Variants in SCARB2 observed in about 807,000 individuals in gnomAD.
SCARB2 encodes the protein lysosome membrane protein 2.
SCARB2 carries 29 observed loss-of-function variants against 58.6 expected under a neutral mutation model. The observed-to-expected ratio is 0.49, with a 90% CI of 0.37 to 0.67. The LOEUF is 0.67. Ranked by LOEUF, SCARB2 falls within the 30% of genes least tolerant of loss-of-function variation. The pLI is 0.00. For missense variants in SCARB2, 488 were observed against 578.5 expected (o/e 0.84, Z 1.60); for synonymous variants, 195 against 210.1 (o/e 0.93, Z 0.62).
intron 1 of SCARB2, among the ~76,000 whole-genome samples, chr4:76,207,215 G>A (rs955162935): frequency 6.6e-6 from 1 of 152,020 alleles, no homozygotes; most frequent in Non-Finnish European, 1.5e-5. Flanking sequence ...CAGAGGTTAC[G>A]TGATATATAA....
chr4:76,214,995 G>A (rs2109976045), upstream of SCARB2, among the ~76,000 whole-genome samples: 1 of 152,360 alleles, frequency 6.6e-6, no homozygotes, highest in Non-Finnish European at 1.5e-5. Flanking sequence ...AGGCCATTGG[G>A]GTGGGGAATC....
At chr4:76,205,804 T>C (rs1315842215) in intron 1 of SCARB2, among the ~76,000 whole-genome samples, 3 of 152,208 alleles carry the variant, frequency 2.0e-5, no homozygotes, top group African/African-American at 7.2e-5. Context: ...AAACACATGA[T>C]CCTCTCAAGC....
At position 76,160,674 on chromosome 4, in the gene SCARB2, A is replaced by G. The variant is rs1731877175; in HGVS notation, c.*1039T>C. The G allele has an allele frequency of 6.6e-6, 1 of 152,198 alleles. No homozygotes were observed. The highest frequency in any genetic ancestry group is 6.5e-5 in the Admixed American group (1 of 15,282). 9.4% of individuals were successfully genotyped at this position (152,198 alleles called of 1,614,324 possible). On this transcript the variant is annotated 3_prime_UTR_variant, in exon 12 of 12. Transcript: ENST00000264896. ...AACTTGTAAAAAGAACTTCAAAATT[A>G]CCAAGAAGGCGGCTGTCCCAGAAGA...
intron 1 of SCARB2, among the ~76,000 whole-genome samples, chr4:76,232,025 CAACTATATTGCCAT>C (rs1387683474): frequency 6.6e-6 from 1 of 152,170 alleles, no homozygotes; most frequent in Non-Finnish European, 1.5e-5. Context: ...CTGATGTAAA[CAACTATATTGCCAT>C]AAGTTATGAA....
intron 1 of SCARB2, among the ~76,000 whole-genome samples, chr4:76,228,239 A>AG (rs1733432155): frequency 6.6e-6 from 1 of 152,004 alleles, no homozygotes; most frequent in South Asian, 2.1e-4. Context: ...GCACTTGGGG[A>AG]GGCTGAGGGG....
chr4:76,190,452 A>G (rs945414323), intron 2 of SCARB2, among the ~76,000 whole-genome samples: 31 of 152,226 alleles, frequency 2.0e-4, no homozygotes, highest in African/African-American at 7.2e-4. Flanking sequence ...AAGCAACAGC[A>G]TGAATACTGG....
chr4:76,178,245 T>C (rs2109945841), intron 4 of SCARB2, among the ~76,000 whole-genome samples: 2 of 152,302 alleles, frequency 1.3e-5, no homozygotes, highest in South Asian at 4.1e-4. Flanking sequence ...AGCTATGATT[T>C]CTCAGAAATA....
upstream of SCARB2, among the ~76,000 whole-genome samples, chr4:76,216,456 A>G (rs866832167): frequency 1.1e-4 from 17 of 152,294 alleles, no homozygotes; most frequent in Non-Finnish European, 2.1e-4. Flanking sequence ...GGCAAACTCC[A>G]TAGGTACCCA....
At position 76,169,848 on chromosome 4, in the gene SCARB2, G is replaced by C. The variant is rs1362440207; in HGVS notation, c.1113+19C>G. ...GAATAAAACATATGCTCTTTTACCAGGAGGAAGTATGTACTCACAGGATTA... is the reference window on the plus strand; with the variant it reads ...GAATAAAACATATGCTCTTTTACCACGAGGAAGTATGTACTCACAGGATTA... On this transcript the variant is annotated intron_variant, in intron 8 of 11. Transcript: ENST00000264896. 3 of 1,547,610 alleles carry C rather than the reference G, an allele frequency of 1.9e-6. No individual in the cohort carries two copies. Among genetic ancestry groups the C allele is most frequent in the Non-Finnish European group, 2.7e-6 (3 of 1,119,772 alleles).
At chr4:76,183,507 A>G (rs1261986832) in intron 2 of SCARB2, among the ~76,000 whole-genome samples, 1 of 152,234 alleles carries the variant, frequency 6.6e-6, no homozygotes, top group Non-Finnish European at 1.5e-5. Context: ...ATACAGATGA[A>G]GAGATGCACT....
intron 1 of SCARB2, among the ~76,000 whole-genome samples, chr4:76,218,853 A>C (rs1398476735): frequency 1.3e-5 from 2 of 152,218 alleles, no homozygotes; most frequent in African/African-American, 4.8e-5. Context: ...ATATGTCAGC[A>C]ATATTATCTG....
intron 2 of SCARB2, among the ~76,000 whole-genome samples, chr4:76,188,670 T>C (rs1732537297): frequency 6.6e-6 from 1 of 152,232 alleles, no homozygotes; most frequent in African/African-American, 2.4e-5. Context: ...GAGCAGAAGC[T>C]TCTGGAATGT....
At chr4:76,214,118 C>T (rs988102172), upstream of SCARB2, 5 of 413,784 alleles carry the variant, frequency 1.2e-5, no homozygotes, top group Admixed American at 2.8e-5. Flanking sequence ...ACTCATTCCG[C>T]AGATAGGTCT....
intron 1 of SCARB2, among the ~76,000 whole-genome samples, chr4:76,202,289 G>A (rs1732843065): frequency 6.6e-6 from 1 of 152,108 alleles, no homozygotes; most frequent in Non-Finnish European, 1.5e-5. Context: ...TTGAGAGGGA[G>A]TCTCATTCTG....
intron 1 of SCARB2, among the ~76,000 whole-genome samples, chr4:76,226,326 G>A (rs994144697): frequency 1.3e-5 from 2 of 152,196 alleles, no homozygotes; most frequent in Admixed American, 6.5e-5. Flanking sequence ...ATCAAGTGTA[G>A]CTGTCACAGT....
At chr4:76,177,984 A>C (rs904062271) in intron 4 of SCARB2, among the ~76,000 whole-genome samples, 7 of 152,238 alleles carry the variant, frequency 4.6e-5, no homozygotes, top group Non-Finnish European at 1.0e-4. Context: ...GACTATACTA[A>C]GGACTACTGA....
At chr4:76,226,455 C>T (rs1282909466) in intron 1 of SCARB2, among the ~76,000 whole-genome samples, 1 of 152,142 alleles carries the variant, frequency 6.6e-6, no homozygotes, top group Non-Finnish European at 1.5e-5. Flanking sequence ...GGACACATTC[C>T]AGAGGCTAAG....
In SCARB2 at chr4:76,195,800, T is replaced by C; in HGVS notation, c.182A>G (p.Tyr61Cys). ...DSWEKPPLPV[Y>C]TQFYFFNVTN... ...GACATTGAAGAAATAGAACTGAGTA[T>C]ACACAGGCAGAGGGGGCTTCTCCCA... is the stretch of plus-strand genomic sequence containing the variant. Residue 61 changes from tyrosine to cysteine, a missense_variant, in exon 2 of 12, where the codon TAT (tyrosine) becomes TGT (cysteine). By Grantham distance (194) the Tyr-to-Cys change is radical (BLOSUM62 -2). Transcript: ENST00000264896. 3 of 1,613,608 alleles carry C rather than the reference T, an allele frequency of 1.9e-6. No individual in the cohort carries two copies. The highest frequency in any genetic ancestry group is 2.5e-6 in the Non-Finnish European group (3 of 1,179,490).
intron 1 of SCARB2, among the ~76,000 whole-genome samples, chr4:76,222,374 G>A (rs1433842805): frequency 6.6e-6 from 1 of 152,134 alleles, no homozygotes; most frequent in African/African-American, 2.4e-5. Flanking sequence ...CTATAGGCGT[G>A]AGCCACCATG....
Sources: allele counts gnomAD v4.1 joint callset (sites outside exome capture counted in the v4.1 genomes callset), GRCh38; gene constraint gnomAD v4.1.1; transcripts MANE v1.5; gene names NCBI Gene and HGNC (gene_info 2026-07-23, HGNC 2026-07-21).